The following SDCCAG8 variants were observed in gnomAD, a reference collection of about 807,000 sequenced individuals.
The protein encoded by SDCCAG8 is SHH signaling and ciliogenesis regulator SDCCAG8, also known as serologically defined colon cancer antigen 8.
SDCCAG8 carries 74 observed loss-of-function variants against 101.8 expected under a neutral mutation model. That is an observed-to-expected ratio of 0.73 (90% CI 0.60 to 0.88). The LOEUF is 0.88. Ranked by LOEUF, SDCCAG8 falls within the 40% of genes least tolerant of loss-of-function variation. The pLI is 0.00. For missense variants in SDCCAG8, 787 were observed against 822.6 expected, an observed-to-expected ratio of 0.96 and a Z score of 0.53; for synonymous variants, 281 against 292.9, an observed-to-expected ratio of 0.96 and a Z score of 0.41.
intron 4 of SDCCAG8, among the ~76,000 whole-genome samples, chr1:243,282,186 A>C (rs1190465673): frequency 6.6e-6 from 1 of 151,644 alleles, no homozygotes; most frequent in African/African-American, 2.4e-5. Flanking sequence ...TTCACATATC[A>C]ATTGATCAAT....
At chr1:243,360,070 C>A (rs958891751) in intron 12 of SDCCAG8, among the ~76,000 whole-genome samples, 2 of 151,062 alleles carry the variant, frequency 1.3e-5, no homozygotes, top group African/African-American at 4.9e-5. Context: ...GTCCATATAT[C>A]TTCTTCACAT....
intron 6 of SDCCAG8, among the ~76,000 whole-genome samples, chr1:243,295,981 A>G (rs1181362010): frequency 6.6e-6 from 1 of 151,744 alleles, no homozygotes; most frequent in Non-Finnish European, 1.5e-5. Flanking sequence ...TTCCCTATCA[A>G]TGGTTTATTC....
chr1:243,479,530 C>T (rs936777255), intron 16 of SDCCAG8, among the ~76,000 whole-genome samples: 5 of 152,210 alleles, frequency 3.3e-5, no homozygotes, highest in Non-Finnish European at 5.9e-5. Flanking sequence ...ACATATTATA[C>T]TCCTTTTGAT....
intron 1 of SDCCAG8, chr1:243,267,800 A>G: frequency 1.2e-6 from 1 of 826,646 alleles, no homozygotes; most frequent in Non-Finnish European, 2.2e-6. Flanking sequence ...AATTTCAGCC[A>G]TTACACAATC....
At chr1:243,331,875 TA>T (rs2074621715) in intron 10 of SDCCAG8, among the ~76,000 whole-genome samples, 4 of 151,992 alleles carry the variant, frequency 2.6e-5, no homozygotes, top group Non-Finnish European at 5.9e-5. Context: ...TACAAACTCG[TA>T]GGAGAAGTAG....
chr1:243,344,447 G>T (rs892054498), intron 12 of SDCCAG8, 116 bp downstream of exon 12: 35 of 879,832 alleles, frequency 4.0e-5, no homozygotes, highest in Non-Finnish European at 4.1e-5. Context: ...CTAATGGGAT[G>T]ATCCAGTTTA....
intron 12 of SDCCAG8, among the ~76,000 whole-genome samples, chr1:243,361,986 A>G (rs1178620520): frequency 6.6e-6 from 1 of 152,116 alleles, no homozygotes; most frequent in Non-Finnish European, 1.5e-5. Context: ...CAGTAACTGG[A>G]TGGATAGGTG....
intron 16 of SDCCAG8, among the ~76,000 whole-genome samples, chr1:243,431,855 A>C (rs73120315): frequency 6.6e-6 from 1 of 152,148 alleles, no homozygotes; most frequent in African/African-American, 2.4e-5. Flanking sequence ...TCAATTACAC[A>C]GTTTTACAGG....
intron 11 of SDCCAG8, 148 bp from the exon 12 acceptor site, chr1:243,344,067 G>A (rs1054331022): frequency 8.8e-6 from 6 of 678,574 alleles, no homozygotes; most frequent in African/African-American, 5.4e-5. Context: ...AACAAGCTAC[G>A]TTGAATAGTC....
At chr1:243,435,162 T>C (rs1183037939) in intron 16 of SDCCAG8, among the ~76,000 whole-genome samples, 2 of 152,250 alleles carry the variant, frequency 1.3e-5, no homozygotes, top group Non-Finnish European at 2.9e-5. Flanking sequence ...TCCTTTGTTT[T>C]TAAGACCTAA....
At chr1:243,274,817 A>G (rs1295927747) in intron 4 of SDCCAG8, among the ~76,000 whole-genome samples, 161 bp downstream of exon 4, 1 of 152,204 alleles carries the variant, frequency 6.6e-6, no homozygotes, top group East Asian at 1.9e-4. Flanking sequence ...AGAGCTTGTC[A>G]GACTTGGGAA....
chr1:243,385,565 G>A (rs1045986529), intron 13 of SDCCAG8, among the ~76,000 whole-genome samples: 1 of 152,158 alleles, frequency 6.6e-6, no homozygotes, highest in African/African-American at 2.4e-5. Flanking sequence ...TTCCGTGTAG[G>A]GGAATCGATG....
chr1:243,372,837 A>AT (rs548716858), intron 12 of SDCCAG8, among the ~76,000 whole-genome samples: 45 of 148,194 alleles, frequency 3.0e-4, no homozygotes, highest in Non-Finnish European at 4.9e-4. Flanking sequence ...TCTACTAACA[A>AT]TTAAAAAAAA....
intron 15 of SDCCAG8, among the ~76,000 whole-genome samples, chr1:243,418,580 C>G (rs2080768681): frequency 6.6e-6 from 1 of 152,084 alleles, no homozygotes; most frequent in Non-Finnish European, 1.5e-5. Flanking sequence ...ATAGAACAGC[C>G]ATCATTCATT....
chr1:243,321,351 C>T (rs2073741323), intron 9 of SDCCAG8, among the ~76,000 whole-genome samples: 1 of 151,524 alleles, frequency 6.6e-6, no homozygotes, highest in South Asian at 2.1e-4. Context: ...AGCATAGTGC[C>T]CCATAGGTAC....
At chr1:243,469,149 C>A (rs1011129985) in intron 16 of SDCCAG8, among the ~76,000 whole-genome samples, 7 of 152,172 alleles carry the variant, frequency 4.6e-5, no homozygotes, top group Non-Finnish European at 1.0e-4. Flanking sequence ...ATGATGATAA[C>A]CTTGAGAATT....
In SDCCAG8 at chr1:243,307,994, A is replaced by G; in HGVS notation, c.746A>G (p.Asp249Gly). The change falls in exon 8 of 18, where the codon GAC (aspartate) becomes GGC (glycine). Residue 249 changes from aspartate to glycine, a missense_variant. Physicochemically the swap from Asp to Gly is moderately conservative, Grantham distance 94. Transcript: ENST00000366541. ...TTTTTTCACCCTCTTTTTAGGAACG[A>G]CTTAGCTGAATATCAGAGAACTTGT... is the stretch of plus-strand genomic sequence containing the variant. Reference protein sequence around the residue: ...EESQLKFLRNDLAEYQRTCED... With the variant: ...EESQLKFLRNGLAEYQRTCED... The G allele has an allele frequency of 1.2e-6, 2 of 1,613,884 alleles. No homozygotes were observed. The highest frequency in any genetic ancestry group is 1.7e-6 in the Non-Finnish European group (2 of 1,179,988).
intron 16 of SDCCAG8, among the ~76,000 whole-genome samples, chr1:243,440,744 G>C (rs2082478731): frequency 6.6e-6 from 1 of 152,180 alleles, no homozygotes; most frequent in Non-Finnish European, 1.5e-5. Flanking sequence ...CTTCTGAGGT[G>C]ATTACATAAG....
At chr1:243,259,965 T>A (rs1339909699) in intron 1 of SDCCAG8, among the ~76,000 whole-genome samples, 1 of 152,250 alleles carries the variant, frequency 6.6e-6, no homozygotes. Flanking sequence ...TAAAATGAGA[T>A]CCTTGCCTCA....
Sources: gnomAD v4.1 joint callset for allele counts (sites outside exome capture counted in the v4.1 genomes callset) on GRCh38, gnomAD v4.1.1 for gene constraint, MANE v1.5 for transcripts, NCBI Gene and HGNC (gene_info 2026-07-23, HGNC 2026-07-21) for gene names.